DNAAF11: variants seen among roughly 807,000 people sequenced by gnomAD.
DNAAF11 encodes the protein leucine rich repeat containing 6.
In DNAAF11, 45 loss-of-function variants were observed where a neutral mutation model predicts 60.8. The observed-to-expected ratio is 0.74, with a 90% confidence interval of 0.58 to 0.95. The LOEUF (loss-of-function observed/expected upper bound fraction) is 0.95, where lower values mean the gene tolerates loss of function less well. DNAAF11 is among the 40% of genes least tolerant of loss of function. The probability of loss-of-function intolerance (pLI) is 0.00; values close to 1 mark genes in which losing one functional copy is unlikely to be tolerated. For missense variants in DNAAF11, 546 were observed against 546.2 expected (o/e 1.00, Z 0.00); for synonymous variants, 191 against 183.5 (o/e 1.04, Z -0.33).
intron 5 of DNAAF11, among the ~76,000 whole-genome samples, chr8:132,629,255 T>C (rs79865582): frequency 0.015 from 2,220 of 152,032 alleles, 65 homozygotes; most frequent in African/African-American, 0.05. Flanking sequence ...CAAAATCCCA[T>C]AGCAAACATT....
At chr8:132,682,897 G>A in the DNAAF11 span, among the ~76,000 whole-genome samples, 3 of 152,108 alleles carry the variant, frequency 2.0e-5, no homozygotes, top group Non-Finnish European at 2.9e-5. Context: ...GAGAGACAAG[G>A]CTTTTTTTAA....
In DNAAF11 at chr8:132,656,900, A is replaced by G. The variant is rs112144537; in HGVS notation, c.186T>C (p.Val62=). The G allele has an allele frequency of 3.7e-5, 48 of 1,313,922 alleles. No individual in the cohort carries two copies. The African/African-American group carries it at 4.7e-4, about 13-fold the overall frequency. The allele number at this position is 1,313,922 out of a possible 1,614,324, so 81.4% of individuals were successfully genotyped here. Residue 62 remains valine, a synonymous_variant, in exon 3 of 12, where the codon GTT becomes GTC. Coordinates refer to ENST00000620350, the MANE Select transcript of DNAAF11 (RefSeq NM_012472.6). ...AATATTCAAGTTTCTTGAGTTTGCT[A>G]ACATTTTCTGAAATACAAGATAATG... ...QNNLIGKIEN[V]SKLKKLEYLN...
the DNAAF11 span, among the ~76,000 whole-genome samples, chr8:132,694,519 CT>C: frequency 6.6e-6 from 1 of 152,176 alleles, no homozygotes; most frequent in Admixed American, 6.5e-5. Flanking sequence ...GAAAATACAG[CT>C]TTGTTGTTTA....
In DNAAF11 at chr8:132,596,828, G is replaced by C. The variant is rs147219023; in HGVS notation, c.1141-13049C>G. On this transcript the variant is annotated intron_variant, in intron 10 of 11. Transcript: ENST00000620350. The stretch of plus-strand genomic sequence containing the variant: ...CCTGTAAGGATCCAGAGTGATGGGG[G>C]CATCAGCCTGGTTCCCAGCCTCGAA... 8.3e-4 allele frequency among the ~76,000 whole-genome samples: 126 copies of C among 152,340 alleles called. 1 individual carries two copies. Among genetic ancestry groups the C allele is most frequent in the African/African-American group, 2.9e-3 (122 of 41,576 alleles).
At chr8:132,674,085 G>GAGGAGGAGGAGC (rs1825461734) in intron 1 of DNAAF11, among the ~76,000 whole-genome samples, 1 of 148,472 alleles carries the variant, frequency 6.7e-6, no homozygotes, top group Non-Finnish European at 1.5e-5. Flanking sequence ...GGAGGAGCAG[G>GAGGAGGAGGAGC]AGGAGGAGGA....
At chr8:132,628,368 C>A (rs906654634) in intron 5 of DNAAF11, among the ~76,000 whole-genome samples, 3 of 151,892 alleles carry the variant, frequency 2.0e-5, no homozygotes, top group Non-Finnish European at 2.9e-5. Flanking sequence ...GCCGAGATTG[C>A]GCCATTGCAC....
Position 132,587,062 on chromosome 8 carries a change from T to C in DNAAF11, c.1141-3283A>G, listed in dbSNP as rs561926023. ...AGTACAAGTTTTGTACAGCTTTACA[T>C]TGCAATACATGCACCAATGAGAATG... On this transcript the variant is annotated intron_variant, in intron 10 of 11. Transcript: ENST00000620350. 5.3e-5 allele frequency among the ~76,000 whole-genome samples: 8 copies of C among 152,248 alleles called. No homozygotes were observed. In the East Asian group the frequency reaches 1.2e-3, roughly 22 times the overall value.
rs182648248 is a variant in DNAAF11, at chr8:132,634,841, C to T, written c.430-1878G>A. Among the ~76,000 whole-genome samples the T allele has an allele frequency of 1.6e-4, 24 of 150,246 alleles. No individual in the cohort carries two copies. The East Asian group carries it at 4.5e-3, about 28-fold the overall frequency. ...ATATATAACTGTATATTATAACAAG[C>T]TAGAAAACTCTAGATAATTTCTTTC... On this transcript the variant is annotated intron_variant, in intron 4 of 11. Transcript: ENST00000620350.
intron 11 of DNAAF11, among the ~76,000 whole-genome samples, chr8:132,576,841 C>A (rs1814800805): frequency 6.6e-6 from 1 of 152,160 alleles, no homozygotes; most frequent in African/African-American, 2.4e-5. Flanking sequence ...CACTGAGCCC[C>A]CGCATCCCTT....
chr8:132,674,545 A>G (rs1563727151), intron 1 of DNAAF11, among the ~76,000 whole-genome samples: 1 of 152,248 alleles, frequency 6.6e-6, no homozygotes. Context: ...TTCATACAAT[A>G]TAAATAACTT....
At chr8:132,606,641 G>T (rs1472678366) in intron 10 of DNAAF11, among the ~76,000 whole-genome samples, 37 of 151,844 alleles carry the variant, frequency 2.4e-4, no homozygotes, top group Admixed American at 2.4e-3. Context: ...GAGTAGCTGG[G>T]ACTAGAGGCA....
chr8:132,662,513 T>C (rs1316219647), intron 1 of DNAAF11, among the ~76,000 whole-genome samples: 2 of 152,216 alleles, frequency 1.3e-5, no homozygotes, highest in South Asian at 2.1e-4. Context: ...TGTGGAAATA[T>C]TGTATGTCTA....
intron 10 of DNAAF11, among the ~76,000 whole-genome samples, chr8:132,602,744 A>AATATATATATAT (rs35316805): frequency 1.6e-4 from 23 of 141,850 alleles, no homozygotes; most frequent in African/African-American, 5.4e-4. Flanking sequence ...CTTAATTTGA[A>AATATATATATAT]ATATATATAT....
Position 132,571,836 on chromosome 8 carries a change from A to G in DNAAF11, c.*470T>C, listed in dbSNP as rs1814223682. On this transcript the variant is annotated 3_prime_UTR_variant, in exon 12 of 12. Transcript: ENST00000620350. The stretch of plus-strand genomic sequence containing the variant: ...TCAAAACTCATATTCTTGCCATTAT[A>G]CCATGCCACCAGAGAAAGCAGACAC... 1 of 152,570 alleles carries G rather than the reference A, an allele frequency of 6.6e-6. No individual in the cohort carries two copies. The highest frequency in any genetic ancestry group is 1.5e-5 in the Non-Finnish European group (1 of 68,280). The allele number at this position is 152,570 out of a possible 1,614,324, so 9.5% of individuals were successfully genotyped here. A position where few individuals can be genotyped will look rare whatever the true frequency, so the allele number is the denominator to read the frequency against.
intron 5 of DNAAF11, among the ~76,000 whole-genome samples, chr8:132,630,132 ATT>A: frequency 6.6e-6 from 1 of 152,256 alleles, no homozygotes; most frequent in African/African-American, 2.4e-5. Flanking sequence ...AAGGAATTTG[ATT>A]AGCAGCGGAT....
intron 5 of DNAAF11, among the ~76,000 whole-genome samples, chr8:132,629,058 G>A (rs888001154): frequency 1.3e-5 from 2 of 152,158 alleles, no homozygotes; most frequent in African/African-American, 4.8e-5. Flanking sequence ...GACAAAGGAT[G>A]TTTATCCTAG....
chr8:132,595,788 AG>A (rs1816953698), intron 10 of DNAAF11, among the ~76,000 whole-genome samples: 1 of 152,212 alleles, frequency 6.6e-6, no homozygotes, highest in South Asian at 2.1e-4. Context: ...AGTAAATAAA[AG>A]GGCATTCTGG....
intron 3 of DNAAF11, among the ~76,000 whole-genome samples, chr8:132,647,423 T>C (rs1822512012): frequency 1.3e-5 from 2 of 152,244 alleles, no homozygotes; most frequent in South Asian, 4.1e-4. Context: ...CAGAAAGATC[T>C]AAAATTGACA....
At chr8:132,680,558 C>T (rs1586770991), upstream of DNAAF11, among the ~76,000 whole-genome samples, 10 of 152,070 alleles carry the variant, frequency 6.6e-5, no homozygotes, top group South Asian at 2.1e-3. Flanking sequence ...TTCCACCATA[C>T]TTTGCATTTA....
Sources: gnomAD v4.1 joint callset for allele counts (sites outside exome capture counted in the v4.1 genomes callset) on GRCh38, gnomAD v4.1.1 for gene constraint, MANE v1.5 for transcripts, NCBI Gene and HGNC (gene_info 2026-07-23, HGNC 2026-07-21) for gene names.